RCAN1: variants seen among roughly 807,000 people sequenced by gnomAD.
RCAN1 encodes calcipressin-1.
A neutral mutation model predicts 22.9 loss-of-function variants in RCAN1; 11 were observed. The ratio of observed to expected loss-of-function variants is 0.48; its 90% confidence interval spans 0.30 to 0.79. The LOEUF (loss-of-function observed/expected upper bound fraction) is 0.79, where lower values mean the gene tolerates loss of function less well. RCAN1 is among the 30% of genes least tolerant of loss of function. RCAN1 has a pLI of 0.06. For missense variants in RCAN1, 291 were observed against 337.8 expected (o/e 0.86, Z 1.09); for synonymous variants, 136 against 142.3 (o/e 0.96, Z 0.32).
intron 1 of RCAN1, among the ~76,000 whole-genome samples, chr21:34,525,932 A>G (rs1181544492): frequency 2.0e-5 from 3 of 152,192 alleles, no homozygotes; most frequent in Non-Finnish European, 4.4e-5. Context: ...CGCATGTCCC[A>G]ATATGGCTTT....
intron 1 of RCAN1, among the ~76,000 whole-genome samples, chr21:34,568,513 G>A (rs764713680): frequency 2.0e-5 from 3 of 152,206 alleles, no homozygotes; most frequent in African/African-American, 2.4e-5. Flanking sequence ...CCGGAGTCAC[G>A]GTGTGTTTGT....
intron 3 of RCAN1, 180 bp downstream of exon 3, chr21:34,521,319 G>A: frequency 6.7e-7 from 1 of 1,485,034 alleles, no homozygotes; most frequent in Non-Finnish European, 8.9e-7. Flanking sequence ...TGCAGGTGGT[G>A]CCAAGAGGCA....
chr21:34,579,745 AC>A (rs1447144736), intron 1 of RCAN1, among the ~76,000 whole-genome samples: 2 of 151,960 alleles, frequency 1.3e-5, no homozygotes, highest in African/African-American at 4.8e-5. Flanking sequence ...CTCAAAATAG[AC>A]CCCAGTCTCC....
At chr21:34,555,255 G>A (rs894083529) in intron 1 of RCAN1, among the ~76,000 whole-genome samples, 1 of 152,200 alleles carries the variant, frequency 6.6e-6, no homozygotes, top group Non-Finnish European at 1.5e-5. Flanking sequence ...ACGCAAACAC[G>A]CTAATTATAA....
At chr21:34,610,654 G>C (rs578073107) in intron 1 of RCAN1, among the ~76,000 whole-genome samples, 12 of 152,256 alleles carry the variant, frequency 7.9e-5, no homozygotes, top group Admixed American at 3.3e-4. Context: ...GAATCACCTG[G>C]GGAGCTTTCC....
At chr21:34,556,800 A>C (rs1461403039) in intron 1 of RCAN1, among the ~76,000 whole-genome samples, 1 of 152,224 alleles carries the variant, frequency 6.6e-6, no homozygotes, top group East Asian at 1.9e-4. Flanking sequence ...GTAACAGAAG[A>C]ATACTGAGCC....
Position 34,571,940 on chromosome 21 carries a change from A to T in RCAN1, c.252+42820T>A, listed in dbSNP as rs74899938. On this transcript the variant is annotated intron_variant, in intron 1 of 3. Transcript: ENST00000313806. ...GCTTTTACTTGCATGCCTATCAAAG[A>T]CCTAATTTAATCACCACTAGTGTAA... is the stretch of plus-strand genomic sequence containing the variant. Among the ~76,000 whole-genome samples, 1,117 of 152,308 alleles carry T rather than the reference A, an allele frequency of 7.3e-3. 16 individuals carry two copies. The highest frequency in any genetic ancestry group is 0.026 in the African/African-American group (1,075 of 41,562).
intron 1 of RCAN1, among the ~76,000 whole-genome samples, chr21:34,534,222 C>T (rs1057011117): frequency 1.5e-4 from 22 of 151,558 alleles, no homozygotes; most frequent in African/African-American, 4.9e-4. Flanking sequence ...CAACCAGTGT[C>T]CATACCTCCT....
chr21:34,519,397 C>CTTTTTTTTTTT (rs34152667), intron 3 of RCAN1, among the ~76,000 whole-genome samples: 10 of 102,770 alleles, frequency 9.7e-5, no homozygotes, highest in African/African-American at 1.5e-4. Context: ...TTCTTTCTTT[C>CTTTTTTTTTTT]TTTTTTTTTT....
In RCAN1 at chr21:34,570,530, G is replaced by C. The variant is rs972142108; in HGVS notation, c.252+44230C>G. Among the ~76,000 whole-genome samples, 3 of 152,290 alleles carry C rather than the reference G, an allele frequency of 2.0e-5. No individual in the cohort carries two copies. The South Asian group carries it at 6.2e-4, about 32-fold the overall frequency. ...AATTAGTGGTCTACCACTGAAACAC[G>C]TGGAGCATGTTTTCCACATATCCAT... is the stretch of plus-strand genomic sequence containing the variant. On this transcript the variant is annotated intron_variant, in intron 1 of 3. Coordinates refer to ENST00000313806, the MANE Select transcript of RCAN1 (RefSeq NM_004414.7).
At chr21:34,536,108 C>A (rs538326093) in intron 1 of RCAN1, among the ~76,000 whole-genome samples, 22 of 151,986 alleles carry the variant, frequency 1.4e-4, no homozygotes, top group African/African-American at 5.1e-4. Context: ...AAAGGTTAAC[C>A]ACCCCACTGT....
At chr21:34,592,098 T>G (rs1002462012) in intron 1 of RCAN1, among the ~76,000 whole-genome samples, 2 of 152,198 alleles carry the variant, frequency 1.3e-5, no homozygotes, top group Admixed American at 1.3e-4. Flanking sequence ...AAACTCCCTG[T>G]GCTTGGGCTT....
intron 1 of RCAN1, among the ~76,000 whole-genome samples, chr21:34,536,877 G>T (rs888654843): frequency 2.6e-5 from 4 of 152,192 alleles, no homozygotes; most frequent in Non-Finnish European, 5.9e-5. Flanking sequence ...GTTTTCTGTT[G>T]TTGGTTTGTT....
chr21:34,535,482 A>G (rs937521952), intron 1 of RCAN1, among the ~76,000 whole-genome samples: 1 of 152,076 alleles, frequency 6.6e-6, no homozygotes, highest in Non-Finnish European at 1.5e-5. Context: ...CTGCAACTAC[A>G]GAGAATGACA....
chr21:34,543,835 C>T (rs548178056), intron 1 of RCAN1, among the ~76,000 whole-genome samples: 1 of 152,322 alleles, frequency 6.6e-6, no homozygotes, highest in Admixed American at 6.5e-5. Flanking sequence ...TCCTTACTTG[C>T]TGGGGGTCCT....
intron 1 of RCAN1, among the ~76,000 whole-genome samples, chr21:34,591,785 C>T (rs1283899354): frequency 2.0e-5 from 3 of 152,178 alleles, no homozygotes; most frequent in African/African-American, 7.2e-5. Context: ...GGGAACCTGG[C>T]CATCATCTCG....
intron 1 of RCAN1, among the ~76,000 whole-genome samples, chr21:34,575,370 T>C (rs1185587056): frequency 6.6e-6 from 1 of 152,192 alleles, no homozygotes; most frequent in Non-Finnish European, 1.5e-5. Flanking sequence ...CCTCTCCTAC[T>C]TACTGAGCTT....
At position 34,574,722 on chromosome 21, in the gene RCAN1, T is replaced by C. The variant is rs184868302; in HGVS notation, c.252+40038A>G. ...TGAAGTAAAACGTGACATGAAATGATTTTCAGCAGTTGTTTGAGTGTAAAC... is the reference window on the plus strand; with the variant it reads ...TGAAGTAAAACGTGACATGAAATGACTTTCAGCAGTTGTTTGAGTGTAAAC... On this transcript the variant is annotated intron_variant, in intron 1 of 3. Coordinates refer to ENST00000313806, the MANE Select transcript of RCAN1 (RefSeq NM_004414.7). Among the ~76,000 whole-genome samples, 327 of 152,314 alleles carry C rather than the reference T, an allele frequency of 2.1e-3. 3 individuals are homozygous for C. Among genetic ancestry groups the C allele is most frequent in the Non-Finnish European group, 2.4e-3 (164 of 68,026 alleles).
intron 2 of RCAN1, 45 bp from the exon 3 acceptor site, chr21:34,521,703 A>T: frequency 6.5e-7 from 1 of 1,539,328 alleles, no homozygotes; most frequent in Non-Finnish European, 8.8e-7. Context: ...CCAGGGAAGA[A>T]CTGCAGTGAG....
Sources: allele counts gnomAD v4.1 joint callset (sites outside exome capture counted in the v4.1 genomes callset), GRCh38; gene constraint gnomAD v4.1.1; transcripts MANE v1.5; gene names NCBI Gene and HGNC (gene_info 2026-07-23, HGNC 2026-07-21).